Variants in FAT3 observed in about 807,000 individuals in gnomAD.
FAT3 encodes FAT atypical cadherin 3.
Under a neutral mutation model 310.2 loss-of-function variants are expected in FAT3, and 95 were observed. That is an observed-to-expected ratio of 0.31 (90% confidence interval 0.26 to 0.36). The LOEUF (loss-of-function observed/expected upper bound fraction) is 0.36. FAT3 is among the 10% of genes least tolerant of loss of function. The pLI, the probability that FAT3 is intolerant of heterozygous loss-of-function variation, is 1.00. For missense variants in FAT3, 5,408 were observed against 5,715.6 expected (o/e 0.95, Z 1.74); for synonymous variants, 2,314 against 2,192.9 (o/e 1.06, Z -1.54).
At chr11:92,620,987 T>C (rs907453825) in intron 3 of FAT3, among the ~76,000 whole-genome samples, 5 of 152,172 alleles carry the variant, frequency 3.3e-5, no homozygotes, top group African/African-American at 1.2e-4. Flanking sequence ...ATATCAGCAC[T>C]AATCCCATCA....
intron 17 of FAT3, among the ~76,000 whole-genome samples, chr11:92,838,824 A>G (rs1423044922): frequency 6.6e-6 from 1 of 152,192 alleles, no homozygotes; most frequent in African/African-American, 2.4e-5. Flanking sequence ...TCCAGCAATC[A>G]GACTGGGAGG....
intron 3 of FAT3, among the ~76,000 whole-genome samples, chr11:92,619,411 G>A (rs544601552): frequency 3.3e-5 from 5 of 152,146 alleles, no homozygotes; most frequent in Non-Finnish European, 5.9e-5. Flanking sequence ...CCTATATTTT[G>A]GAAGAGTTTG....
intron 2 of FAT3, among the ~76,000 whole-genome samples, chr11:92,438,484 G>A (rs1404534559): frequency 6.6e-6 from 1 of 152,114 alleles, no homozygotes; most frequent in East Asian, 1.9e-4. Context: ...ATTTTTAAAT[G>A]TGCAATTCTG....
intron 3 of FAT3, among the ~76,000 whole-genome samples, chr11:92,545,092 C>T (rs1238613101): frequency 6.6e-6 from 1 of 152,076 alleles, no homozygotes; most frequent in African/African-American, 2.4e-5. Flanking sequence ...CTCCTCATGT[C>T]CCCAAGCACT....
intron 3 of FAT3, among the ~76,000 whole-genome samples, chr11:92,625,561 C>G (rs1292318195): frequency 1.3e-5 from 2 of 152,076 alleles, no homozygotes; most frequent in Non-Finnish European, 2.9e-5. Context: ...CACCGATGGC[C>G]CAGAGAGCAA....
At chr11:92,855,330 G>A (rs1434934849) in intron 19 of FAT3, among the ~76,000 whole-genome samples, 1 of 152,120 alleles carries the variant, frequency 6.6e-6, no homozygotes, top group Non-Finnish European at 1.5e-5. Flanking sequence ...CCCTTCCTTT[G>A]GGAAGACTTC....
At chr11:92,342,768 T>C (rs566183783) in intron 1 of FAT3, among the ~76,000 whole-genome samples, 12 of 152,304 alleles carry the variant, frequency 7.9e-5, no homozygotes, top group Admixed American at 2.0e-4. Flanking sequence ...TACTAATATA[T>C]TTACCCTTTG....
At chr11:92,735,432 C>T (rs1331493921) in intron 4 of FAT3, among the ~76,000 whole-genome samples, 2 of 152,106 alleles carry the variant, frequency 1.3e-5, no homozygotes, top group Non-Finnish European at 2.9e-5. Flanking sequence ...CTTTTGCTCT[C>T]AAATCTTTAG....
Position 92,882,802 on chromosome 11 carries a change from G to C in FAT3, c.12346G>C (p.Val4116Leu), listed in dbSNP as rs1949703633. ...TGAGAACGGAGGCTCCTGCGTGAAC[G>C]TGTTCGGCTCCTTCCTCTGCAACTG... ...ECENGGSCVN[V>L]FGSFLCNCTP... The change falls in exon 24 of 28, where the codon GTG becomes CTG. Residue 4116 changes from valine to leucine, a missense_variant. Physicochemically the swap from Val to Leu is conservative, Grantham distance 32. Coordinates refer to ENST00000525166, the MANE Select transcript of FAT3 (RefSeq NM_001367949.2). 1 of 1,611,902 alleles carries C rather than the reference G, an allele frequency of 6.2e-7. No individual in the cohort carries two copies. The highest frequency in any genetic ancestry group is 1.7e-5 in the Admixed American group (1 of 59,782).
chr11:92,402,728 T>A (rs1950046139), intron 2 of FAT3, among the ~76,000 whole-genome samples: 1 of 139,820 alleles, frequency 7.2e-6, no homozygotes, highest in Non-Finnish European at 1.5e-5. Flanking sequence ...TGAGACCCCC[T>A]CTCAAAAAAA....
chr11:92,422,568 G>A (rs1195442795), intron 2 of FAT3, among the ~76,000 whole-genome samples: 2 of 152,170 alleles, frequency 1.3e-5, no homozygotes, highest in African/African-American at 2.4e-5. Flanking sequence ...ATAGGATGGA[G>A]GAGACAGGAG....
chr11:92,473,534 T>A (rs1256250780), intron 2 of FAT3, among the ~76,000 whole-genome samples: 1 of 152,242 alleles, frequency 6.6e-6, no homozygotes, highest in African/African-American at 2.4e-5. Flanking sequence ...ATGTAGTAAG[T>A]ACATCCTTGA....
At chr11:92,554,575 C>A (rs1025222986) in intron 3 of FAT3, among the ~76,000 whole-genome samples, 1 of 151,066 alleles carries the variant, frequency 6.6e-6, no homozygotes, top group Non-Finnish European at 1.5e-5. Flanking sequence ...TAGGGAGCAA[C>A]CCCTGGCTTA....
intron 1 of FAT3, among the ~76,000 whole-genome samples, chr11:92,315,512 TAGAGAGAGAGAGAG>T (rs374021850): frequency 1.2e-4 from 7 of 56,170 alleles, no homozygotes; most frequent in Admixed American, 2.4e-4. Flanking sequence ...TATATATATA[TAGAGAGAGAGAGAG>T]AGAGAGAGAG....
intron 13 of FAT3, among the ~76,000 whole-genome samples, chr11:92,828,238 G>A (rs556920122): frequency 3.3e-5 from 5 of 152,128 alleles, no homozygotes. Context: ...TCCTTATAAA[G>A]ATGGCACCCC....
intron 3 of FAT3, among the ~76,000 whole-genome samples, chr11:92,604,890 A>G (rs989805701): frequency 3.3e-5 from 5 of 152,242 alleles, no homozygotes; most frequent in African/African-American, 1.2e-4. Context: ...CTAAGTGCCC[A>G]TGAACAAATT....
chr11:92,724,611 T>TCA (rs1311391886), intron 4 of FAT3, among the ~76,000 whole-genome samples: 1 of 152,224 alleles, frequency 6.6e-6, no homozygotes, highest in Non-Finnish European at 1.5e-5. Flanking sequence ...ATCCCTTCCG[T>TCA]TTAAGTAAAC....
At chr11:92,878,266 A>G (rs1949579460) in intron 22 of FAT3, among the ~76,000 whole-genome samples, 1 of 152,202 alleles carries the variant, frequency 6.6e-6, no homozygotes, top group Non-Finnish European at 1.5e-5. Context: ...CTTGAACTGA[A>G]TAATGAGGCC....
chr11:92,720,252 A>G (rs765355768), intron 4 of FAT3, among the ~76,000 whole-genome samples: 17 of 152,202 alleles, frequency 1.1e-4, no homozygotes, highest in Non-Finnish European at 1.9e-4. Context: ...ATAATTACCA[A>G]TTGATCTTCA....
Sources: gnomAD v4.1 joint callset for allele counts (sites outside exome capture counted in the v4.1 genomes callset) on GRCh38, gnomAD v4.1.1 for gene constraint, MANE v1.5 for transcripts, NCBI Gene and HGNC (gene_info 2026-07-23, HGNC 2026-07-21) for gene names.